MAP3K5: variants seen among roughly 807,000 people sequenced by gnomAD.
MAP3K5 encodes the protein mitogen-activated protein kinase kinase kinase 5, also known as ASK-1.
Under a neutral mutation model 158.7 loss-of-function variants are expected in MAP3K5, and 56 were observed. The observed-to-expected ratio is 0.35, with a 90% CI of 0.28 to 0.44. The LOEUF (loss-of-function observed/expected upper bound fraction) is 0.44, where lower values mean the gene tolerates loss of function less well. Among genes scored for constraint, MAP3K5 ranks in the 20% least tolerant of loss-of-function variants. MAP3K5 has a pLI of 1.00. For synonymous variants in MAP3K5, 579 were observed against 601.7 expected (o/e 0.96, Z 0.55); for missense variants, 1,294 against 1,674.8 (o/e 0.77, Z 3.97).
In MAP3K5 at chr6:136,659,311, A is replaced by C. The variant is rs1416209241; in HGVS notation, c.1434T>G (p.Val478=). The change falls in exon 9 of 30, where the codon GTT becomes GTG. Residue 478 remains valine, a synonymous_variant. Transcript: ENST00000359015. ...GGACGCTGGCCCCCAGAAAAAATCC[A>C]ACTTCCCAGTAGCTCTGGAGTTTTT... The part of the protein sequence containing the change: ...NLEKLQSYWE[V]GFFLGASVLA... 1 of 1,614,144 alleles carries C rather than the reference A, an allele frequency of 6.2e-7. No individual in the cohort carries two copies. Among genetic ancestry groups the C allele is most frequent in the Admixed American group, 1.7e-5 (1 of 60,018 alleles).
At chr6:136,572,536 C>T (rs1026236375) in intron 25 of MAP3K5, among the ~76,000 whole-genome samples, 4 of 152,200 alleles carry the variant, frequency 2.6e-5, no homozygotes, top group African/African-American at 4.8e-5. Flanking sequence ...GGATTACAGG[C>T]GTGAGCCACC....
intron 15 of MAP3K5, among the ~76,000 whole-genome samples, chr6:136,619,467 A>C (rs1055621503): frequency 6.6e-6 from 1 of 152,192 alleles, no homozygotes; most frequent in South Asian, 2.1e-4. Flanking sequence ...TCACAGAAAA[A>C]TTGAGAGGGA....
At chr6:136,705,264 T>A in intron 2 of MAP3K5, 131 bp from the exon 3 acceptor site, 1 of 461,656 alleles carries the variant, frequency 2.2e-6, no homozygotes, top group South Asian at 3.1e-5. Context: ...GAACTGTAGA[T>A]TCAGTTCCTG....
chr6:136,590,430 A>G (rs115536840), intron 23 of MAP3K5, among the ~76,000 whole-genome samples: 5 of 152,334 alleles, frequency 3.3e-5, no homozygotes, highest in African/African-American at 1.2e-4. Flanking sequence ...CAGATCCTCA[A>G]ATAACACTGT....
chr6:136,600,938 A>T, intron 21 of MAP3K5, 84 bp downstream of exon 21: 2 of 1,396,288 alleles, frequency 1.4e-6, no homozygotes, highest in Admixed American at 3.4e-5. Flanking sequence ...GGAGCAGAGC[A>T]TGAGGCTACT....
At chr6:136,674,629 A>C (rs531357266) in intron 7 of MAP3K5, among the ~76,000 whole-genome samples, 1 of 152,200 alleles carries the variant, frequency 6.6e-6, no homozygotes, top group South Asian at 2.1e-4. Flanking sequence ...CATTAAATGT[A>C]AATGATCTAA....
At chr6:136,587,958 C>T (rs996828707) in intron 23 of MAP3K5, among the ~76,000 whole-genome samples, 2 of 152,312 alleles carry the variant, frequency 1.3e-5, no homozygotes, top group Admixed American at 6.5e-5. Context: ...AGTCCTATCC[C>T]TGATGATGCT....
In MAP3K5 at chr6:136,731,496, C is replaced by G. The variant is rs192931037; in HGVS notation, c.449-10907G>C. On this transcript the variant is annotated intron_variant, in intron 1 of 29. Transcript: ENST00000359015. ...CATGTGGTGTCAAATCGCCCTCTGC[C>G]TCTTTTACAAGGACACTTGTGATGG... is the stretch of plus-strand genomic sequence containing the variant. Among the ~76,000 whole-genome samples, 8 of 152,260 alleles carry G rather than the reference C, an allele frequency of 5.3e-5. No homozygotes were observed. In the East Asian group the frequency reaches 1.5e-3, roughly 29 times the overall value.
At chr6:136,646,657 T>C (rs1248866086) in intron 11 of MAP3K5, among the ~76,000 whole-genome samples, 1 of 152,226 alleles carries the variant, frequency 6.6e-6, no homozygotes, top group Non-Finnish European at 1.5e-5. Flanking sequence ...CCTCCTCCAG[T>C]CCTGCTCTCG....
chr6:136,595,402 G>A (rs1451857919), intron 21 of MAP3K5, among the ~76,000 whole-genome samples: 3 of 151,794 alleles, frequency 2.0e-5, no homozygotes, highest in Non-Finnish European at 4.4e-5. Context: ...CACCGCACCC[G>A]GCCTGCTTGA....
At chr6:136,603,339 A>AC (rs1775963533) in intron 19 of MAP3K5, among the ~76,000 whole-genome samples, 1 of 132,954 alleles carries the variant, frequency 7.5e-6, no homozygotes, top group East Asian at 2.1e-4. Flanking sequence ...TGCCCCCCTA[A>AC]TTTTTTTTTT....
At chr6:136,588,498 T>TTA (rs1302794486) in intron 23 of MAP3K5, among the ~76,000 whole-genome samples, 1 of 152,204 alleles carries the variant, frequency 6.6e-6, no homozygotes, top group Non-Finnish European at 1.5e-5. Context: ...ACTATATGTT[T>TTA]TATATATATG....
intron 2 of MAP3K5, among the ~76,000 whole-genome samples, chr6:136,708,465 A>T (rs1781169553): frequency 6.6e-6 from 1 of 152,080 alleles, no homozygotes; most frequent in South Asian, 2.1e-4. Context: ...CATGTTTCCC[A>T]GGCTGGTTTC....
chr6:136,651,405 C>G (rs753345448), intron 10 of MAP3K5, among the ~76,000 whole-genome samples: 1 of 152,130 alleles, frequency 6.6e-6, no homozygotes, highest in Non-Finnish European at 1.5e-5. Context: ...TTTAAAAAAT[C>G]TTCTATTTTA....
At chr6:136,657,652 C>T (rs988256717) in intron 9 of MAP3K5, among the ~76,000 whole-genome samples, 13 of 152,186 alleles carry the variant, frequency 8.5e-5, no homozygotes, top group Non-Finnish European at 1.6e-4. Flanking sequence ...GCTATACACT[C>T]AGTATCAAGA....
chr6:136,772,771 T>C (rs1163832605), intron 1 of MAP3K5, among the ~76,000 whole-genome samples: 1 of 152,190 alleles, frequency 6.6e-6, no homozygotes. Context: ...GCAGCCAGCA[T>C]TATGAGCAAT....
chr6:136,759,342 A>C (rs891188546), intron 1 of MAP3K5, among the ~76,000 whole-genome samples: 1 of 151,436 alleles, frequency 6.6e-6, no homozygotes, highest in Non-Finnish European at 1.5e-5. Context: ...GTTCCTATAA[A>C]GATAAAAAGG....
At chr6:136,680,050 C>CCA (rs35553089) in intron 7 of MAP3K5, among the ~76,000 whole-genome samples, 14,762 of 149,144 alleles carry the variant, frequency 0.099, 1,379 homozygotes, top group African/African-American at 0.25. Flanking sequence ...AATAAGCTAG[C>CCA]CACACACACA....
At chr6:136,579,167 G>T (rs994215059) in intron 25 of MAP3K5, among the ~76,000 whole-genome samples, 3 of 152,022 alleles carry the variant, frequency 2.0e-5, no homozygotes, top group African/African-American at 7.2e-5. Context: ...ATCTATCCAT[G>T]TAACAATTGG....
Sources: allele counts gnomAD v4.1 joint callset (sites outside exome capture counted in the v4.1 genomes callset), GRCh38; gene constraint gnomAD v4.1.1; transcripts MANE v1.5; gene names NCBI Gene and HGNC (gene_info 2026-07-23, HGNC 2026-07-21).